Variants in TAF3 observed in about 807,000 individuals in gnomAD.
TAF3 encodes the protein TATA-box binding protein associated factor 3.
A neutral mutation model predicts 80.6 loss-of-function variants in TAF3; 7 were observed. The ratio of observed to expected loss-of-function variants is 0.09; its 90% CI spans 0.05 to 0.16. The LOEUF (loss-of-function observed/expected upper bound fraction) is 0.16, where lower values mean the gene tolerates loss of function less well. Ranked by LOEUF, TAF3 falls within the 10% of genes least tolerant of loss-of-function variation. The pLI is 1.00. For missense variants in TAF3, 921 were observed against 1,140.2 expected (o/e 0.81, Z 2.77); for synonymous variants, 444 against 446.1 (o/e 1.00, Z 0.06).
At position 7,838,359 on chromosome 10, in the gene TAF3, G is replaced by GTTT. The variant is rs200412133; in HGVS notation, c.409+13806_409+13808dup. Among the ~76,000 whole-genome samples the GTTT allele has an allele frequency of 8.0e-3, 969 of 121,550 alleles. 7 individuals carry two copies. Among genetic ancestry groups the GTTT allele is most frequent in the African/African-American group, 0.025 (880 of 35,048 alleles). 79.7% of individuals were successfully genotyped at this position (121,550 alleles called of 152,430 possible). On this transcript the variant is annotated intron_variant, in intron 2 of 6. Coordinates refer to ENST00000344293, the MANE Select transcript of TAF3 (RefSeq NM_031923.4). ...AGAGTACCTTTACCAAGCCAGTTTT[G>GTTT]TTTTTTTTTGTTGTTGTTGTTTGTT... is the stretch of plus-strand genomic sequence containing the variant.
chr10:7,935,300 A>G (rs1837906625), intron 2 of TAF3, among the ~76,000 whole-genome samples: 1 of 142,248 alleles, frequency 7.0e-6, no homozygotes, highest in Non-Finnish European at 1.6e-5. Flanking sequence ...ATAAATAAAT[A>G]GAAGAAAAAT....
chr10:7,995,992 C>G (rs181655206), intron 4 of TAF3, among the ~76,000 whole-genome samples: 5 of 152,302 alleles, frequency 3.3e-5, no homozygotes, highest in Admixed American at 3.3e-4. Flanking sequence ...GTCTTAAGGA[C>G]TGGTACTCTA....
At chr10:7,983,102 CCTCTT>C (rs757611437) in intron 4 of TAF3, among the ~76,000 whole-genome samples, 1 of 152,238 alleles carries the variant, frequency 6.6e-6, no homozygotes, top group Non-Finnish European at 1.5e-5. Context: ...TGCCCACCCT[CCTCTT>C]CTCATCTGGC....
chr10:7,959,528 A>T (rs941858241), intron 2 of TAF3, among the ~76,000 whole-genome samples: 1 of 152,244 alleles, frequency 6.6e-6, no homozygotes, highest in Non-Finnish European at 1.5e-5. Context: ...ACAAAATAAC[A>T]AAAACAGAAT....
At chr10:7,847,011 G>A (rs4749308) in intron 2 of TAF3, among the ~76,000 whole-genome samples, 11,463 of 152,178 alleles carry the variant, frequency 0.075, 541 homozygotes, top group Admixed American at 0.13. Context: ...TTTGAATACA[G>A]TTGAAATTTA....
At chr10:7,843,068 G>A (rs1341049737) in intron 2 of TAF3, among the ~76,000 whole-genome samples, 1 of 152,104 alleles carries the variant, frequency 6.6e-6, no homozygotes, top group Non-Finnish European at 1.5e-5. Flanking sequence ...GTTAAGTGAG[G>A]CTCTCCTCTG....
intron 4 of TAF3, among the ~76,000 whole-genome samples, chr10:7,999,778 GA>G (rs1554788907): frequency 6.6e-6 from 1 of 152,094 alleles, no homozygotes; most frequent in Non-Finnish European, 1.5e-5. Flanking sequence ...CTTTATGTAC[GA>G]AAATACCATC....
intron 2 of TAF3, among the ~76,000 whole-genome samples, chr10:7,955,571 T>C (rs371728674): frequency 1.3e-5 from 2 of 152,366 alleles, no homozygotes; most frequent in East Asian, 3.9e-4. Context: ...ATAAAAAGCT[T>C]CTATGCCATG....
chr10:7,932,926 C>T (rs546971052), intron 2 of TAF3, among the ~76,000 whole-genome samples: 27 of 151,998 alleles, frequency 1.8e-4, no homozygotes, highest in Admixed American at 1.6e-3. Context: ...GTGATCCTCC[C>T]GCCTTGGCCT....
Position 7,901,289 on chromosome 10 carries a change from G to A in TAF3, c.410-62631G>A, listed in dbSNP as rs189410236. Among the ~76,000 whole-genome samples the A allele has an allele frequency of 7.6e-4, 115 of 152,212 alleles. 1 individual carries two copies. Among genetic ancestry groups the A allele is most frequent in the Non-Finnish European group, 1.3e-3 (86 of 68,008 alleles). On this transcript the variant is annotated intron_variant, in intron 2 of 6. Transcript: ENST00000344293. ...TCTTGGAATGTTTCCAAACCTCTGC[G>A]TAGTCCATGCCACAGAAGTAAAGGG... is the stretch of plus-strand genomic sequence containing the variant.
intron 2 of TAF3, among the ~76,000 whole-genome samples, chr10:7,859,267 TAAATAAATAAATAAATA>T (rs1388448061): frequency 4.7e-4 from 1 of 2,120 alleles, no homozygotes; most frequent in Non-Finnish European, 2.0e-3. Context: ...TCTCAATAAA[TAAATAAATAAATAAATA>T]AATAAATAAA....
At chr10:7,906,748 GGCACCTTAT>G (rs1368111184) in intron 2 of TAF3, among the ~76,000 whole-genome samples, 1 of 151,296 alleles carries the variant, frequency 6.6e-6, no homozygotes, top group Non-Finnish European at 1.5e-5. Context: ...TCTACCAATA[GGCACCTTAT>G]GCCTTTATTT....
intron 2 of TAF3, among the ~76,000 whole-genome samples, chr10:7,901,307 G>A (rs904280348): frequency 2.0e-5 from 3 of 152,198 alleles, no homozygotes; most frequent in Non-Finnish European, 4.4e-5. Flanking sequence ...TGCCACAGAA[G>A]TAAAGGGTCT....
At chr10:7,879,248 C>T (rs17143057) in intron 2 of TAF3, among the ~76,000 whole-genome samples, 13,621 of 152,112 alleles carry the variant, frequency 0.09, 930 homozygotes, top group East Asian at 0.26. Flanking sequence ...CATAAAATTA[C>T]TTTCACCAAT....
At chr10:8,010,699 G>C (rs1180327630) in intron 5 of TAF3, among the ~76,000 whole-genome samples, 2 of 152,190 alleles carry the variant, frequency 1.3e-5, no homozygotes, top group African/African-American at 2.4e-5. Context: ...TTGAGGTCAG[G>C]AGTTCGAGAC....
chr10:7,981,666 T>C (rs913811344), intron 4 of TAF3, among the ~76,000 whole-genome samples: 1 of 152,234 alleles, frequency 6.6e-6, no homozygotes, highest in Non-Finnish European at 1.5e-5. Flanking sequence ...TGCTGACATT[T>C]TGATTTCTGG....
Position 7,870,867 on chromosome 10 carries a change from C to T in TAF3, c.409+46307C>T, listed in dbSNP as rs1245256057. Among the ~76,000 whole-genome samples the T allele has an allele frequency of 4.6e-5, 7 of 152,160 alleles. 1 individual carries two copies. The highest frequency in any genetic ancestry group is 1.7e-4 in the African/African-American group (7 of 41,500). Reference sequence around the variant, plus strand: ...GATGCTAAAAGAATGTATTCTAAGCCTTACCTTTCTTGAAGCTCAGAGTTT... The same window carrying T: ...GATGCTAAAAGAATGTATTCTAAGCTTTACCTTTCTTGAAGCTCAGAGTTT... On this transcript the variant is annotated intron_variant, in intron 2 of 6. Coordinates refer to ENST00000344293, the MANE Select transcript of TAF3 (RefSeq NM_031923.4).
chr10:7,985,078 C>T (rs774326853), intron 4 of TAF3, among the ~76,000 whole-genome samples: 23 of 152,236 alleles, frequency 1.5e-4, no homozygotes, highest in Non-Finnish European at 2.6e-4. Flanking sequence ...GCTTTTCCCA[C>T]GCCTGCCTGC....
At chr10:7,877,080 C>T (rs1197294338) in intron 2 of TAF3, among the ~76,000 whole-genome samples, 1 of 149,462 alleles carries the variant, frequency 6.7e-6, no homozygotes, top group Non-Finnish European at 1.5e-5. Flanking sequence ...ATTTTTTACG[C>T]TGTTACTGTC....
Sources: gnomAD v4.1 joint callset for allele counts (sites outside exome capture counted in the v4.1 genomes callset) on GRCh38, gnomAD v4.1.1 for gene constraint, MANE v1.5 for transcripts, NCBI Gene and HGNC (gene_info 2026-07-23, HGNC 2026-07-21) for gene names.